The following FRMPD2 variants were observed in gnomAD, a reference collection of about 807,000 sequenced individuals.
FRMPD2 encodes the protein FERM and PDZ domain-containing protein 2.
FRMPD2 carries 96 observed loss-of-function variants against 140.1 expected under a neutral mutation model. The observed-to-expected ratio is 0.69, with a 90% CI of 0.58 to 0.81. The LOEUF is 0.81. Among genes scored for constraint, FRMPD2 ranks in the 40% least tolerant of loss-of-function variants. FRMPD2 has a pLI of 0.00. For synonymous variants in FRMPD2, 449 were observed against 547.6 expected, an observed-to-expected ratio of 0.82 and a Z score of 2.52; for missense variants, 1,240 against 1,447.4, an observed-to-expected ratio of 0.86 and a Z score of 2.32.
chr10:48,259,625 T>A (rs1415718939), intron 1 of FRMPD2, among the ~76,000 whole-genome samples: 1 of 143,062 alleles, frequency 7.0e-6, no homozygotes, highest in East Asian at 1.9e-4. Flanking sequence ...TACATGAATG[T>A]GTGTGTGTAA....
intron 12 of FRMPD2, among the ~76,000 whole-genome samples, chr10:48,215,044 T>C (rs961026546): frequency 1.3e-5 from 2 of 152,220 alleles, no homozygotes; most frequent in South Asian, 4.1e-4. Context: ...ATTAAGGAGA[T>C]TTATTTTTAT....
intron 1 of FRMPD2, among the ~76,000 whole-genome samples, chr10:48,266,983 C>G (rs895228501): frequency 6.6e-6 from 1 of 152,126 alleles, no homozygotes; most frequent in Non-Finnish European, 1.5e-5. Flanking sequence ...CAACAAGATG[C>G]CCTCAAGGTT....
At chr10:48,171,742 A>T (rs1328091031) in intron 25 of FRMPD2, among the ~76,000 whole-genome samples, 10 of 152,026 alleles carry the variant, frequency 6.6e-5, no homozygotes, top group African/African-American at 2.2e-4. Context: ...ATTATAGATA[A>T]CTCAACTATG....
intron 1 of FRMPD2, among the ~76,000 whole-genome samples, chr10:48,269,514 C>T (rs1218674611): frequency 7.2e-5 from 11 of 152,112 alleles, no homozygotes; most frequent in Non-Finnish European, 1.5e-5. Flanking sequence ...TGAGAGTTCC[C>T]CCTTCACGGA....
chr10:48,265,264 G>A (rs1328605094), intron 1 of FRMPD2, among the ~76,000 whole-genome samples: 5 of 152,128 alleles, frequency 3.3e-5, no homozygotes, highest in Non-Finnish European at 4.4e-5. Flanking sequence ...AAAAACTCTG[G>A]AAGACAAAAC....
rs780072011 is a variant in FRMPD2, at chr10:48,192,870, G to C, written c.1979C>G (p.Ala660Gly). ...GGCCTGGTGTGCAGGACTCAAATTG[G>C]CCATTTGCACAAACTTATCATGGTC... The part of the protein sequence containing the change: ...LFDHDKFVQM[A>G]NLSPAHQARS... The change falls in exon 16 of 29, where the codon GCC (alanine) becomes GGC (glycine). Residue 660 changes from alanine (A) to glycine (G), a missense_variant. Around this residue, in one of 6 missense-constraint regions of FRMPD2, gnomAD observed 1,161 missense variants for 1,055.9 expected, o/e 1.10. Transcript: ENST00000374201. 32 of 1,613,678 alleles carry C rather than the reference G, an allele frequency of 2.0e-5. No homozygotes were observed. The highest frequency in any genetic ancestry group is 2.6e-5 in the Non-Finnish European group (31 of 1,179,960).
rs749834791 is a variant in FRMPD2, at chr10:48,242,332, G to A, written c.396C>T (p.Pro132=). Residue 132 remains proline, a synonymous_variant, in exon 5 of 29, where the codon CCC becomes CCT. Coordinates refer to ENST00000374201, the MANE Select transcript of FRMPD2 (RefSeq NM_001018071.4). ...PPHQPLQLCE[P]LHSILLTMCE... ...ACATGGTCAGCAGGATGGAGTGCAG[G>A]GGCTCGCAGAGCTGCAGGGGCTGGA... 3 of 1,613,642 alleles carry A rather than the reference G, an allele frequency of 1.9e-6. No individual in the cohort carries two copies. In the South Asian group the frequency reaches 3.3e-5, roughly 18 times the overall value.
At chr10:48,196,802 A>G (rs1414862676) in intron 15 of FRMPD2, among the ~76,000 whole-genome samples, 1 of 152,254 alleles carries the variant, frequency 6.6e-6, no homozygotes, top group Non-Finnish European at 1.5e-5. Context: ...CAATGCAAAT[A>G]AATGTTAGAT....
intron 3 of FRMPD2, 38 bp downstream of exon 3, chr10:48,248,983 A>G (rs369860573): frequency 7.1e-6 from 11 of 1,557,446 alleles, no homozygotes; most frequent in Non-Finnish European, 9.6e-6. Flanking sequence ...TTCCCAGGGC[A>G]CAGGACTCAG....
In FRMPD2 at chr10:48,187,229, G is replaced by T; in HGVS notation, c.2229C>A (p.Asp743Glu). 1 of 1,614,094 alleles carries T rather than the reference G, an allele frequency of 6.2e-7. No homozygotes were observed. The highest frequency in any genetic ancestry group is 8.5e-7 in the Non-Finnish European group (1 of 1,179,986). The stretch of plus-strand genomic sequence containing the variant: ...TCTGAACAGGTGGTCCAGAGAGAGA[G>T]TCCCAGGTCATTGGCTTCTGGATCA... ...ACVIQKPMTW[D>E]SLSGPPVQSM... is the part of the protein sequence containing the mutation. The change falls in exon 17 of 29, where the codon GAC becomes GAA. Residue 743 changes from aspartate (D) to glutamate (E), a missense_variant. Asp to Glu is a conservative substitution (Grantham distance 45). Transcript: ENST00000374201.
chr10:48,241,404 C>A (rs1025790461), intron 5 of FRMPD2, among the ~76,000 whole-genome samples: 1 of 152,212 alleles, frequency 6.6e-6, no homozygotes, highest in East Asian at 1.9e-4. Flanking sequence ...CCTCACTTGC[C>A]CATCCTATCC....
chr10:48,200,937 C>A (rs1212638957), intron 15 of FRMPD2, among the ~76,000 whole-genome samples: 1 of 152,200 alleles, frequency 6.6e-6, no homozygotes, highest in African/African-American at 2.4e-5. Flanking sequence ...TGTCTATCTA[C>A]AAGTAAAATT....
At position 48,251,643 on chromosome 10, in the gene FRMPD2, C is replaced by T; in HGVS notation, c.74G>A (p.Gly25Asp). ...VTLASALQVRGEALSEEEIWS... is the reference protein window; with the variant it reads ...VTLASALQVRDEALSEEEIWS... ...GATTTCCTCCTCAGACAGAGCTTCA[C>T]CCCTGACCTGTAGGGCGCTGGCCAG... is the stretch of plus-strand genomic sequence containing the variant. Residue 25 changes from glycine (G) to aspartate (D), a missense_variant, in exon 2 of 29, where the codon GGT (glycine) becomes GAT (aspartate). Coordinates refer to ENST00000374201, the MANE Select transcript of FRMPD2 (RefSeq NM_001018071.4). 6.2e-7 allele frequency: 1 copy of T among 1,614,220 alleles called. No homozygotes were observed. Among genetic ancestry groups the T allele is most frequent in the South Asian group, 1.1e-5 (1 of 91,086 alleles).
chr10:48,190,422 G>A (rs530007883), intron 16 of FRMPD2, among the ~76,000 whole-genome samples: 1 of 152,324 alleles, frequency 6.6e-6, no homozygotes, highest in East Asian at 1.9e-4. Flanking sequence ...GTTCTAGGAG[G>A]CCTCTGCACA....
At position 48,173,012 on chromosome 10, in the gene FRMPD2, G is replaced by A. The variant is rs1240014875; in HGVS notation, c.3157C>T (p.Arg1053Cys). The change falls in exon 25 of 29, where the codon CGC becomes TGC. Residue 1053 changes from arginine to cysteine, a missense_variant. By Grantham distance (180) the Arg-to-Cys change is radical (BLOSUM62 -3). Around this residue, in one of 6 missense-constraint regions of FRMPD2, gnomAD observed 22 missense variants for 35.3 expected, o/e 0.62. Transcript: ENST00000374201. Reference sequence around the variant, plus strand: ...GCTGTTACCAAGGAAACAGCCGTGCGTTCATCTCCCATGCTGTCATTAGCA... The same window carrying A: ...GCTGTTACCAAGGAAACAGCCGTGCATTCATCTCCCATGCTGTCATTAGCA... ...PSANDSMGDERTAVSLVTALP... is the reference protein window; with the variant it reads ...PSANDSMGDECTAVSLVTALP... The A allele has an allele frequency of 2.0e-5, 22 of 1,116,650 alleles. No homozygotes were observed. Among genetic ancestry groups the A allele is most frequent in the African/African-American group, 9.0e-5 (6 of 66,898 alleles). The allele number at this position is 1,116,650 out of a possible 1,614,324, so 69.2% of individuals were successfully genotyped here.
intron 20 of FRMPD2, among the ~76,000 whole-genome samples, chr10:48,181,769 G>A (rs188671927): frequency 6.6e-6 from 1 of 150,856 alleles, no homozygotes; most frequent in African/African-American, 2.4e-5. Context: ...GAGTTGGTGA[G>A]GCTTAGAGAT....
chr10:48,250,520 C>A (rs910226069), intron 2 of FRMPD2, among the ~76,000 whole-genome samples: 6 of 152,170 alleles, frequency 3.9e-5, no homozygotes, highest in African/African-American at 1.4e-4. Context: ...CCTGCCTCAG[C>A]CTCCCAAGTA....
intron 5 of FRMPD2, 90 bp downstream of exon 5, chr10:48,242,071 A>G: frequency 1.1e-6 from 1 of 922,796 alleles, no homozygotes; most frequent in Non-Finnish European, 1.6e-6. Context: ...TTTTTATTTT[A>G]TTTTAGTTAA....
At chr10:48,178,901 G>A (rs1213959621) in intron 21 of FRMPD2, 2 of 152,224 alleles carry the variant, frequency 1.3e-5, no homozygotes, top group East Asian at 1.9e-4. Context: ...AGAGAGCTTG[G>A]GTGTGCTCCT....
Sources: allele counts gnomAD v4.1 joint callset (sites outside exome capture counted in the v4.1 genomes callset), GRCh38; gene constraint gnomAD v4.1.1; regional missense constraint gnomAD v4.1.1; transcripts MANE v1.5; gene names NCBI Gene and HGNC (gene_info 2026-07-23, HGNC 2026-07-21).